Variants in EFCAB13 observed in about 807,000 individuals in gnomAD.
EFCAB13 encodes EF-hand calcium-binding domain-containing protein 13.
A neutral mutation model predicts 110.2 loss-of-function variants in EFCAB13; 91 were observed. That is an observed-to-expected ratio of 0.83 (90% confidence interval 0.70 to 0.98). The LOEUF is 0.98. EFCAB13 is among the 50% of genes least tolerant of loss of function. The pLI, the probability that EFCAB13 is intolerant of heterozygous loss-of-function variation, is 0.00. For missense variants in EFCAB13, 968 were observed against 1,119.4 expected (o/e 0.86, Z 1.93); for synonymous variants, 323 against 369.9 (o/e 0.87, Z 1.45).
At chr17:47,391,396 A>T (rs2065706661) in intron 14 of EFCAB13, 41 bp from the exon 15 acceptor site, 2 of 1,412,114 alleles carry the variant, frequency 1.4e-6, no homozygotes, top group African/African-American at 3.0e-5. Context: ...TTTATTTTTG[A>T]CTTATATTTA....
At chr17:47,406,473 T>C (rs1294317327) in intron 20 of EFCAB13, among the ~76,000 whole-genome samples, 1 of 152,194 alleles carries the variant, frequency 6.6e-6, no homozygotes, top group Non-Finnish European at 1.5e-5. Flanking sequence ...TGTATTTTAT[T>C]GTGGTCAGAG....
chr17:47,382,173 A>G (rs893212442), intron 14 of EFCAB13, among the ~76,000 whole-genome samples: 2 of 152,150 alleles, frequency 1.3e-5, no homozygotes, highest in Admixed American at 6.5e-5. Flanking sequence ...TTTTCGATGT[A>G]TAGGAATGCT....
Position 47,397,455 on chromosome 17 carries a change from G to A in EFCAB13, c.1945+1478G>A, listed in dbSNP as rs867367695. 1.9e-4 allele frequency among the ~76,000 whole-genome samples: 19 copies of A among 102,640 alleles called. No individual in the cohort carries two copies. The South Asian group carries it at 5.0e-3, about 27-fold the overall frequency. The allele number at this position is 102,640 out of a possible 152,430, so 67.3% of individuals were successfully genotyped here. A position where few individuals can be genotyped will look rare whatever the true frequency, so the allele number is the denominator to read the frequency against. On this transcript the variant is annotated intron_variant, in intron 17 of 24. Transcript: ENST00000331493. Reference sequence around the variant, plus strand: ...CCACCCCGTCTGGGAAGTGAGGAGCGTCTCTGCCTGGCCGCCCATCGTCTG... The same window carrying A: ...CCACCCCGTCTGGGAAGTGAGGAGCATCTCTGCCTGGCCGCCCATCGTCTG...
chr17:47,374,204 T>A (rs919653103), intron 11 of EFCAB13, among the ~76,000 whole-genome samples: 1 of 152,176 alleles, frequency 6.6e-6, no homozygotes, highest in African/African-American at 2.4e-5. Context: ...GAGAACCATA[T>A]ACTTCATTAG....
At chr17:47,417,916 C>G (rs1174325413) in intron 23 of EFCAB13, among the ~76,000 whole-genome samples, 1 of 152,172 alleles carries the variant, frequency 6.6e-6, no homozygotes, top group Non-Finnish European at 1.5e-5. Context: ...CCTTTAAAGG[C>G]TCTTATGACC....
At chr17:47,426,596 ATAC>A (rs1236819581) in intron 23 of EFCAB13, among the ~76,000 whole-genome samples, 2 of 152,190 alleles carry the variant, frequency 1.3e-5, no homozygotes, top group African/African-American at 4.8e-5. Context: ...AGCTTTTCAA[ATAC>A]TATTTTAATC....
intron 21 of EFCAB13, among the ~76,000 whole-genome samples, 197 bp downstream of exon 21, chr17:47,409,888 T>G (rs536830201): frequency 6.6e-6 from 1 of 152,302 alleles, no homozygotes; most frequent in African/African-American, 2.4e-5. Context: ...GGATAAAAAT[T>G]AAAATCCTCC....
chr17:47,377,723 T>G (rs2065623920), intron 12 of EFCAB13, 43 bp from the exon 13 acceptor site: 1 of 1,490,820 alleles, frequency 6.7e-7, no homozygotes. Context: ...TTTTGACACA[T>G]AAATTCTGTT....
At chr17:47,369,465 A>G (rs1157907814) in intron 10 of EFCAB13, among the ~76,000 whole-genome samples, 1 of 152,230 alleles carries the variant, frequency 6.6e-6, no homozygotes, top group South Asian at 2.1e-4. Context: ...AGTTGTGCAT[A>G]GTAATAATAT....
At chr17:47,362,189 GA>G (rs2065517942) in intron 10 of EFCAB13, among the ~76,000 whole-genome samples, 1 of 151,972 alleles carries the variant, frequency 6.6e-6, no homozygotes, top group Non-Finnish European at 1.5e-5. Context: ...GATTATATAT[GA>G]ATATAATTAA....
In EFCAB13 at chr17:47,402,196, G is replaced by C. The variant is rs1433294297; in HGVS notation, c.2010G>C (p.Arg670Ser). 6.2e-7 allele frequency: 1 copy of C among 1,613,112 alleles called. No homozygotes were observed. Among genetic ancestry groups the C allele is most frequent in the Non-Finnish European group, 8.5e-7 (1 of 1,179,256 alleles). Residue 670 changes from arginine (R) to serine (S), a missense_variant, in exon 18 of 25, where the codon AGG becomes AGC. By Grantham distance (110) the Arg-to-Ser change is moderately radical. Coordinates refer to ENST00000331493, the MANE Select transcript of EFCAB13 (RefSeq NM_152347.5). ...TAAGGAATATGCGTGATGCTGCCAG[G>C]TTAGAAGGTAAGTACTGAATTATTT... Reference protein sequence around the residue: ...KVVRNMRDAARLEELQEVVLA... With the variant: ...KVVRNMRDAASLEELQEVVLA...
chr17:47,358,140 G>T (rs549103858), intron 9 of EFCAB13, among the ~76,000 whole-genome samples: 2 of 152,246 alleles, frequency 1.3e-5, no homozygotes, highest in South Asian at 4.1e-4. Flanking sequence ...ACCCAAGATT[G>T]CTGCAGTTTA....
At chr17:47,375,461 CT>C (rs1012299765) in intron 12 of EFCAB13, among the ~76,000 whole-genome samples, 1,638 of 144,324 alleles carry the variant, frequency 0.011, 24 homozygotes, top group African/African-American at 0.037. Context: ...ACCCAGCTAA[CT>C]TTTTTTTTTT....
Position 47,402,342 on chromosome 17 carries a change from T to C in EFCAB13, c.2017+139T>C, listed in dbSNP as rs187456606. The C allele has an allele frequency of 2.2e-4, 161 of 734,908 alleles. No individual in the cohort carries two copies. The African/African-American group carries it at 2.6e-3, about 12-fold the overall frequency. 45.5% of individuals were successfully genotyped at this position (734,908 alleles called of 1,614,324 possible). A position where few individuals can be genotyped will look rare whatever the true frequency, so the allele number is the denominator to read the frequency against. On this transcript the variant is annotated intron_variant, in intron 18 of 24. Coordinates refer to ENST00000331493, the MANE Select transcript of EFCAB13 (RefSeq NM_152347.5). Reference sequence around the variant, plus strand: ...GATATGTTTATACGCAGATGAAACTTGGTTTTGATTAAACATTGGCTGGCA... The same window carrying C: ...GATATGTTTATACGCAGATGAAACTCGGTTTTGATTAAACATTGGCTGGCA...
At chr17:47,342,366 C>T (rs1401665059) in intron 6 of EFCAB13, among the ~76,000 whole-genome samples, 1 of 152,164 alleles carries the variant, frequency 6.6e-6, no homozygotes, top group Non-Finnish European at 1.5e-5. Context: ...ACTCCAATCT[C>T]TGCCTCCATC....
At chr17:47,417,224 G>A (rs72829632) in intron 23 of EFCAB13, among the ~76,000 whole-genome samples, 7,603 of 152,320 alleles carry the variant, frequency 0.05, 249 homozygotes, top group East Asian at 0.11. Context: ...AAGTTGAGTA[G>A]GAAGAGGAGT....
At chr17:47,350,599 G>GT (rs1281242229) in intron 9 of EFCAB13, among the ~76,000 whole-genome samples, 28 of 149,460 alleles carry the variant, frequency 1.9e-4, no homozygotes, top group Admixed American at 1.1e-3. Context: ...GTGTGTGTGT[G>GT]TGTTTTTTTT....
chr17:47,435,733 A>AAATAGTGACCGTTTATCATCTGC (rs1474270343), intron 24 of EFCAB13, among the ~76,000 whole-genome samples: 2 of 151,834 alleles, frequency 1.3e-5, no homozygotes, highest in Non-Finnish European at 2.9e-5. Context: ...CATCATCTGC[A>AAATAGTGACCGTTTATCATCTGC]AATAGTGACC....
At position 47,404,547 on chromosome 17, in the gene EFCAB13, CTCTT is replaced by C. The variant is rs767860318; in HGVS notation, c.2162-13_2162-10del. ...CTAGGGGTTCTTGTTTGTCATCTCT[CTCTT>C]TTCCTTGCAGAAGATAACATGGTGA... is the stretch of plus-strand genomic sequence containing the variant. On this transcript the variant is annotated splice_polypyrimidine_tract_variant and intron_variant, in intron 19 of 24. Transcript: ENST00000331493. 13 of 1,608,072 alleles carry C rather than the reference CTCTT, an allele frequency of 8.1e-6. No homozygotes were observed. The East Asian group carries it at 2.9e-4, about 36-fold the overall frequency.
Sources: gnomAD v4.1 joint callset for allele counts (sites outside exome capture counted in the v4.1 genomes callset) on GRCh38, gnomAD v4.1.1 for gene constraint, MANE v1.5 for transcripts, NCBI Gene and HGNC (gene_info 2026-07-23, HGNC 2026-07-21) for gene names.